Variants in DCDC2 observed in about 807,000 individuals in gnomAD.
DCDC2 encodes doublecortin domain containing 2.
In DCDC2, 40 loss-of-function variants were observed where a neutral mutation model predicts 50.2. The ratio of observed to expected loss-of-function variants is 0.80; its 90% CI spans 0.62 to 1.04. The LOEUF (loss-of-function observed/expected upper bound fraction) is 1.04, where lower values mean the gene tolerates loss of function less well. Among genes scored for constraint, DCDC2 ranks in the 50% least tolerant of loss-of-function variants. The pLI is 0.00. For missense variants in DCDC2, 570 were observed against 581.9 expected (o/e 0.98, Z 0.21); for synonymous variants, 234 against 210.6 (o/e 1.11, Z -0.96).
chr6:24,351,644 G>A (rs1259001911), intron 2 of DCDC2, among the ~76,000 whole-genome samples: 3 of 152,172 alleles, frequency 2.0e-5, no homozygotes, highest in Admixed American at 2.0e-4. Context: ...TTGGAGACAA[G>A]GGGTAGGTTT....
intron 2 of DCDC2, among the ~76,000 whole-genome samples, chr6:24,341,454 G>A (rs775523632): frequency 3.3e-5 from 5 of 151,960 alleles, no homozygotes; most frequent in Non-Finnish European, 7.4e-5. Flanking sequence ...CTAGACACTA[G>A]GGCATACTGC....
chr6:24,378,953 T>C, the DCDC2 span, among the ~76,000 whole-genome samples: 3 of 114,736 alleles, frequency 2.6e-5, no homozygotes, highest in African/African-American at 1.2e-4. Context: ...CCTGTCTCAT[T>C]TGGAAAAAAA....
rs1027767479 is a variant in DCDC2, at chr6:24,337,980, T to C, written c.348+15589A>G. On this transcript the variant is annotated intron_variant, in intron 2 of 9. Transcript: ENST00000378454. ...CATCCTTTCAAGTGCAAAAAGACAC[T>C]GAATGATCATCTTTTAATTAAATTG... is the stretch of plus-strand genomic sequence containing the variant. Among the ~76,000 whole-genome samples the C allele has an allele frequency of 5.3e-5, 8 of 152,308 alleles. No individual in the cohort carries two copies. The East Asian group carries it at 1.2e-3, about 22-fold the overall frequency.
upstream of DCDC2, among the ~76,000 whole-genome samples, chr6:24,359,100 T>TTTATATA (rs1561788904): frequency 1.7e-5 from 1 of 59,578 alleles, no homozygotes; most frequent in Non-Finnish European, 2.7e-5. Context: ...TATTATATAT[T>TTTATATA]TTATATATTA....
rs1159848316 is a variant in DCDC2 at position 24,173,417 on chromosome 6, C to T, written c.*1313G>A. 1 of 152,046 alleles carries T rather than the reference C, an allele frequency of 6.6e-6. No homozygotes were observed. Among genetic ancestry groups the T allele is most frequent in the African/African-American group, 2.4e-5 (1 of 41,420 alleles). The allele number at this position is 152,046 out of a possible 1,614,324, so 9.4% of individuals were successfully genotyped here. On this transcript the variant is annotated 3_prime_UTR_variant, in exon 10 of 10. Transcript: ENST00000378454. ...AAGCACTAGAAGTTAAAATTTCAAG[C>T]TTACAACTTCCACATAATTAAAAAT... is the stretch of plus-strand genomic sequence containing the variant.
At chr6:24,367,927 T>C in the DCDC2 span, among the ~76,000 whole-genome samples, 31 of 152,172 alleles carry the variant, frequency 2.0e-4, no homozygotes, top group African/African-American at 7.0e-4. Context: ...ATTGAAAGTA[T>C]AAGAACAAAA....
intron 2 of DCDC2, among the ~76,000 whole-genome samples, chr6:24,349,984 C>T (rs1178669822): frequency 1.3e-5 from 2 of 151,924 alleles, no homozygotes; most frequent in African/African-American, 4.8e-5. Context: ...TTCTTTATTC[C>T]CCCCCTCCAC....
At chr6:24,341,557 T>C (rs894126658) in intron 2 of DCDC2, among the ~76,000 whole-genome samples, 1 of 152,136 alleles carries the variant, frequency 6.6e-6, no homozygotes, top group Non-Finnish European at 1.5e-5. Context: ...TTTTGAACTA[T>C]ACTGAAACTT....
rs1360222904 is a variant in DCDC2, at chr6:24,190,888, C to T, written c.1024-12256G>A. ...AGAGACAGCAGTGAAGGTTGAGTGG[C>T]CCTCAGAATATGTTGCCATTTATGG... is the stretch of plus-strand genomic sequence containing the variant. On this transcript the variant is annotated intron_variant, in intron 8 of 9. Coordinates refer to ENST00000378454, the MANE Select transcript of DCDC2 (RefSeq NM_016356.5). Among the ~76,000 whole-genome samples, 3 of 152,148 alleles carry T rather than the reference C, an allele frequency of 2.0e-5. No homozygotes were observed. In the South Asian group the frequency reaches 6.2e-4, roughly 32 times the overall value.
intron 8 of DCDC2, among the ~76,000 whole-genome samples, chr6:24,181,279 T>C (rs534765197): frequency 6.6e-6 from 1 of 152,252 alleles, no homozygotes; most frequent in African/African-American, 2.4e-5. Context: ...GTTTCTGGTG[T>C]TTAATGTATG....
At chr6:24,250,587 T>C (rs1385838549) in intron 7 of DCDC2, among the ~76,000 whole-genome samples, 1 of 152,200 alleles carries the variant, frequency 6.6e-6, no homozygotes, top group Non-Finnish European at 1.5e-5. Flanking sequence ...ATGGTAACAT[T>C]ATAATATACA....
intron 2 of DCDC2, among the ~76,000 whole-genome samples, chr6:24,335,848 C>G (rs989785655): frequency 2.6e-5 from 4 of 152,098 alleles, no homozygotes; most frequent in Non-Finnish European, 5.9e-5. Context: ...ATGGGGGAAA[C>G]TGCCCCCATG....
chr6:24,367,389 C>G, the DCDC2 span, among the ~76,000 whole-genome samples: 2 of 152,280 alleles, frequency 1.3e-5, no homozygotes, highest in African/African-American at 4.8e-5. Flanking sequence ...AAATATGGAA[C>G]CTCAAAGAGT....
the DCDC2 span, among the ~76,000 whole-genome samples, chr6:24,380,720 A>G: frequency 2.6e-5 from 4 of 152,226 alleles, no homozygotes; most frequent in Non-Finnish European, 5.9e-5. Flanking sequence ...GAATTGATCA[A>G]TTATGAGGAG....
chr6:24,350,637 A>AT (rs1177135406), intron 2 of DCDC2, among the ~76,000 whole-genome samples: 1 of 151,926 alleles, frequency 6.6e-6, no homozygotes, highest in Non-Finnish European at 1.5e-5. Flanking sequence ...ACATTTTTGA[A>AT]TTTTTTTGTG....
At chr6:24,190,802 A>T (rs1033349128) in intron 8 of DCDC2, among the ~76,000 whole-genome samples, 4 of 152,354 alleles carry the variant, frequency 2.6e-5, no homozygotes, top group Middle Eastern at 3.4e-3. Context: ...ATGATTCAAT[A>T]AGAGTATATG....
chr6:24,205,354 C>A, intron 7 of DCDC2: 1 of 1,486,696 alleles, frequency 6.7e-7, no homozygotes, highest in South Asian at 1.4e-5. Flanking sequence ...TCCTGTTCAC[C>A]CTTTGGCTAC....
upstream of DCDC2, chr6:24,358,076 CG>C: frequency 2.5e-6 from 2 of 791,486 alleles, no homozygotes; most frequent in Non-Finnish European, 3.9e-6. Context: ...GAGCCGGAAA[CG>C]CGCGGGGCCT....
At chr6:24,268,352 T>C (rs764987095) in intron 7 of DCDC2, among the ~76,000 whole-genome samples, 5 of 152,042 alleles carry the variant, frequency 3.3e-5, no homozygotes, top group Non-Finnish European at 5.9e-5. Context: ...CTGGATGTGG[T>C]GGCGCATGCC....
Sources: gnomAD v4.1 joint callset for allele counts (sites outside exome capture counted in the v4.1 genomes callset) on GRCh38, gnomAD v4.1.1 for gene constraint, MANE v1.5 for transcripts, NCBI Gene and HGNC (gene_info 2026-07-23, HGNC 2026-07-21) for gene names.